The following CDH12 variants were observed in gnomAD, a reference collection of about 807,000 sequenced individuals.
CDH12 encodes cadherin-12.
CDH12 carries 41 observed loss-of-function variants against 74.1 expected under a neutral mutation model. That is an observed-to-expected ratio of 0.55 (90% confidence interval 0.43 to 0.72). CDH12 has a LOEUF of 0.72. Among genes scored for constraint, CDH12 ranks in the 30% least tolerant of loss-of-function variants. The pLI, the probability that CDH12 is intolerant of heterozygous loss-of-function variation, is 0.00. For synonymous variants in CDH12, 399 were observed against 355.0 expected, an observed-to-expected ratio of 1.12 and a Z score of -1.39; for missense variants, 945 against 977.2, an observed-to-expected ratio of 0.97 and a Z score of 0.44.
intron 5 of CDH12, among the ~76,000 whole-genome samples, chr5:22,003,657 T>C (rs1052871912): frequency 6.6e-5 from 10 of 151,924 alleles, no homozygotes; most frequent in African/African-American, 2.4e-4. Flanking sequence ...TTTGCACTTA[T>C]AAAAGGAAAA....
chr5:22,530,458 T>C (rs1737537795), intron 1 of CDH12, among the ~76,000 whole-genome samples: 1 of 152,092 alleles, frequency 6.6e-6, no homozygotes, highest in African/African-American at 2.4e-5. Context: ...AATAGAAGTA[T>C]CCTTTCTTTG....
At chr5:22,748,254 A>G (rs1052684771) in intron 1 of CDH12, among the ~76,000 whole-genome samples, 1 of 152,218 alleles carries the variant, frequency 6.6e-6, no homozygotes, top group Non-Finnish European at 1.5e-5. Flanking sequence ...TTTAAGTGAA[A>G]TATAGGAGCT....
chr5:22,125,431 G>T (rs184033505), intron 4 of CDH12, among the ~76,000 whole-genome samples: 1 of 152,256 alleles, frequency 6.6e-6, no homozygotes, highest in African/African-American at 2.4e-5. Flanking sequence ...CCCTGCAAAA[G>T]ACATTAATTC....
intron 1 of CDH12, among the ~76,000 whole-genome samples, chr5:22,511,483 C>T (rs192037281): frequency 2.2e-4 from 34 of 152,224 alleles, no homozygotes; most frequent in Non-Finnish European, 3.4e-4. Flanking sequence ...AATGATTCCA[C>T]AGCCATTATC....
chr5:22,571,041 C>T (rs973597471), intron 1 of CDH12, among the ~76,000 whole-genome samples: 43 of 152,220 alleles, frequency 2.8e-4, no homozygotes, highest in African/African-American at 1.0e-3. Context: ...TAGCTTCCTC[C>T]TTCTCTCAGC....
intron 1 of CDH12, among the ~76,000 whole-genome samples, chr5:22,588,750 T>C (rs1740536490): frequency 6.6e-6 from 1 of 152,116 alleles, no homozygotes; most frequent in Admixed American, 6.6e-5. Flanking sequence ...TTACTCACAC[T>C]CTCTGTCTTC....
intron 1 of CDH12, among the ~76,000 whole-genome samples, chr5:22,731,018 A>C (rs1744408849): frequency 6.6e-6 from 1 of 151,792 alleles, no homozygotes; most frequent in South Asian, 2.1e-4. Context: ...TCCTAAATCA[A>C]GTGTTCAGAT....
rs796170966 is a variant in CDH12, at chr5:22,186,934, CTG to C, written c.-187+25562_-187+25563del. Among the ~76,000 whole-genome samples the C allele has an allele frequency of 3.3e-5, 5 of 152,220 alleles. No individual in the cohort carries two copies. In the East Asian group the frequency reaches 7.7e-4, roughly 24 times the overall value. On this transcript the variant is annotated intron_variant, in intron 4 of 14. Coordinates refer to ENST00000382254, the MANE Select transcript of CDH12 (RefSeq NM_004061.5). ...AGAAATATTAATGAAAAATATCTAA[CTG>C]TAAATTTCTTGAAGAAAATACTTAA...
At chr5:22,609,301 G>A (rs1737278422) in intron 1 of CDH12, among the ~76,000 whole-genome samples, 1 of 152,104 alleles carries the variant, frequency 6.6e-6, no homozygotes, top group Non-Finnish European at 1.5e-5. Flanking sequence ...CTTAAGCTGG[G>A]AAAGCACTTT....
intron 10 of CDH12, 28 bp from the exon 11 acceptor site, chr5:21,783,522 G>C: frequency 4.5e-6 from 7 of 1,565,152 alleles, no homozygotes; most frequent in Non-Finnish European, 5.3e-6. Context: ...AGATGCAAAT[G>C]TGCAATGATT....
intron 8 of CDH12, among the ~76,000 whole-genome samples, chr5:21,840,952 G>T: frequency 6.6e-6 from 1 of 151,852 alleles, no homozygotes; most frequent in Non-Finnish European, 1.5e-5. Context: ...CATGGGTAAG[G>T]ACTTCATGTC....
intron 3 of CDH12, among the ~76,000 whole-genome samples, chr5:22,285,311 ATAAGT>A (rs1173253363): frequency 6.6e-6 from 1 of 151,500 alleles, no homozygotes; most frequent in Non-Finnish European, 1.5e-5. Flanking sequence ...GACATAAAAA[ATAAGT>A]TAAGATTTGT....
chr5:21,874,107 T>C (rs1295679809), intron 6 of CDH12, among the ~76,000 whole-genome samples: 1 of 152,216 alleles, frequency 6.6e-6, no homozygotes, highest in Non-Finnish European at 1.5e-5. Context: ...TTATATTCCT[T>C]TGGGTATATA....
At chr5:22,136,467 A>T (rs1166428319) in intron 4 of CDH12, among the ~76,000 whole-genome samples, 1 of 151,974 alleles carries the variant, frequency 6.6e-6, no homozygotes, top group Non-Finnish European at 1.5e-5. Context: ...TCAAAGACAA[A>T]TCATGCCATC....
intron 1 of CDH12, among the ~76,000 whole-genome samples, chr5:22,548,493 T>A (rs1267444639): frequency 6.6e-6 from 1 of 151,826 alleles, no homozygotes; most frequent in South Asian, 2.1e-4. Flanking sequence ...AAAACTATCA[T>A]TTTTTTTCCA....
intron 1 of CDH12, among the ~76,000 whole-genome samples, chr5:22,813,467 T>A (rs1211044229): frequency 6.6e-6 from 1 of 152,212 alleles, no homozygotes; most frequent in Non-Finnish European, 1.5e-5. Context: ...GAAAAAATAC[T>A]ACCATGCTCC....
At chr5:22,612,626 G>T (rs967333660) in intron 1 of CDH12, among the ~76,000 whole-genome samples, 2 of 152,048 alleles carry the variant, frequency 1.3e-5, no homozygotes, top group African/African-American at 4.8e-5. Context: ...TAAAGATAAG[G>T]TGCTGTGAAT....
chr5:22,345,815 A>G (rs1740082861), intron 3 of CDH12, among the ~76,000 whole-genome samples: 1 of 152,176 alleles, frequency 6.6e-6, no homozygotes, highest in South Asian at 2.1e-4. Context: ...GTCAAAAAGG[A>G]GAATGGGTCC....
chr5:22,115,332 T>C (rs2150265703), intron 4 of CDH12, among the ~76,000 whole-genome samples: 1 of 152,322 alleles, frequency 6.6e-6, no homozygotes, highest in East Asian at 1.9e-4. Context: ...TATAATTTAT[T>C]CTTAATGTTT....
Sources: gnomAD v4.1 joint callset for allele counts (sites outside exome capture counted in the v4.1 genomes callset) on GRCh38, gnomAD v4.1.1 for gene constraint, MANE v1.5 for transcripts, NCBI Gene and HGNC (gene_info 2026-07-23, HGNC 2026-07-21) for gene names.